FSCN2: variants seen among roughly 807,000 people sequenced by gnomAD.
The protein encoded by FSCN2 is fascin-2.
A neutral mutation model predicts 37.8 loss-of-function variants in FSCN2; 46 were observed. The observed-to-expected ratio is 1.22, with a 90% CI of 0.96 to 1.56. FSCN2 has a LOEUF of 1.56. Among genes scored for constraint, FSCN2 ranks in the 40% most tolerant of loss-of-function variants. FSCN2 has a pLI of 0.00. For missense variants in FSCN2, 844 were observed against 730.4 expected (o/e 1.16, Z -1.79); for synonymous variants, 351 against 309.4 (o/e 1.13, Z -1.41).
the FSCN2 span, among the ~76,000 whole-genome samples, chr17:81,515,268 G>A: frequency 6.6e-6 from 1 of 152,146 alleles, no homozygotes. Flanking sequence ...CAGTGGCGCA[G>A]GGCAGCCGCC....
chr17:81,515,302 G>A, the FSCN2 span, among the ~76,000 whole-genome samples: 2 of 152,198 alleles, frequency 1.3e-5, no homozygotes, highest in African/African-American at 4.8e-5. Context: ...CAGTGCCGGA[G>A]AGGGCCGGGC....
chr17:81,515,678 C>G, the FSCN2 span, among the ~76,000 whole-genome samples: 1 of 152,208 alleles, frequency 6.6e-6, no homozygotes, highest in Non-Finnish European at 1.5e-5. Flanking sequence ...CGGATCAGCC[C>G]CCGGACTCTG....
At chr17:81,532,033 TGA>T (rs2032663863) in intron 1 of FSCN2, among the ~76,000 whole-genome samples, 1 of 26,084 alleles carries the variant, frequency 3.8e-5, no homozygotes, top group South Asian at 1.8e-3. Flanking sequence ...ATAGTGATGG[TGA>T]TGATGATGGT....
intron 1 of FSCN2, among the ~76,000 whole-genome samples, chr17:81,533,066 G>A (rs568614018): frequency 1.8e-4 from 27 of 152,252 alleles, no homozygotes; most frequent in African/African-American, 6.3e-4. Context: ...GGAACCTCAC[G>A]GCTTCCAAGG....
chr17:81,529,665 A>G, intron 1 of FSCN2: 1 of 626,824 alleles, frequency 1.6e-6, no homozygotes, highest in South Asian at 1.4e-5. Flanking sequence ...CTGAGACTGG[A>G]GAGGTGTGGG....
At chr17:81,532,989 G>A (rs150398739) in intron 1 of FSCN2, among the ~76,000 whole-genome samples, 12,143 of 152,172 alleles carry the variant, frequency 0.08, 1,454 homozygotes, top group African/African-American at 0.25. Context: ...ACCACCAGGT[G>A]TTTCAGGCTC....
chr17:81,535,842 CCCATCT>C (rs201562943), intron 2 of FSCN2, among the ~76,000 whole-genome samples: 3,047 of 113,610 alleles, frequency 0.027, 372 homozygotes, highest in African/African-American at 0.11. Flanking sequence ...CATCCCCATC[CCCATCT>C]CCATCACCAT....
chr17:81,531,384 GTGA>G (rs1384984434), intron 1 of FSCN2, among the ~76,000 whole-genome samples: 29 of 74,122 alleles, frequency 3.9e-4, no homozygotes, highest in Middle Eastern at 8.6e-3. Flanking sequence ...GGTGATGGTG[GTGA>G]TGGTGATGAT....
intron 1 of FSCN2, among the ~76,000 whole-genome samples, chr17:81,532,536 G>A (rs1255829454): frequency 1.1e-5 from 1 of 94,114 alleles, no homozygotes; most frequent in African/African-American, 4.1e-5. Context: ...GATGATGATA[G>A]TGATGGTGGT....
intron 3 of FSCN2, 130 bp from the exon 4 acceptor site, chr17:81,536,492 G>A (rs946698237): frequency 2.0e-6 from 3 of 1,533,440 alleles, no homozygotes; most frequent in Admixed American, 3.9e-5. Flanking sequence ...CCTTGCCAAG[G>A]CCGCACATGA....
At position 81,536,181 on chromosome 17, in the gene FSCN2, G is replaced by A. The variant is rs763784971; in HGVS notation, c.1019G>A (p.Gly340Asp). The A allele has an allele frequency of 6.2e-6, 10 of 1,601,628 alleles. No homozygotes were observed. The South Asian group carries it at 1.1e-4, about 18-fold the overall frequency. The change falls in exon 3 of 5, where the codon GGC (glycine) becomes GAC (aspartate). Residue 340 changes from glycine to aspartate, a missense_variant. Coordinates refer to ENST00000417245, the MANE Select transcript of FSCN2 (RefSeq NM_012418.4). ...ANTMFEMEWR[G>D]RRVALKASNG... is the part of the protein sequence containing the mutation. ...ACCATGTTTGAGATGGAGTGGCGTG[G>A]CCGGCGGGTAGCACTCAAAGCCAGC... is the stretch of plus-strand genomic sequence containing the variant.
intron 1 of FSCN2, 125 bp downstream of exon 1, chr17:81,529,482 G>A (rs1484355516): frequency 3.4e-6 from 3 of 886,522 alleles, no homozygotes; most frequent in African/African-American, 3.3e-5. Context: ...GTTCTGGGCT[G>A]GGGGTCCATG....
At position 81,531,698 on chromosome 17, in the gene FSCN2, G is replaced by A. The variant is rs1412175871; in HGVS notation, c.826+2341G>A. ...TGATGATGATGGTGATGATGGTGATGGTGATGATGATAGTGATGGTGGTGA... is the reference window on the plus strand; with the variant it reads ...TGATGATGATGGTGATGATGGTGATAGTGATGATGATAGTGATGGTGGTGA... On this transcript the variant is annotated intron_variant, in intron 1 of 4. Transcript: ENST00000417245. Among the ~76,000 whole-genome samples the A allele has an allele frequency of 2.8e-3, 286 of 102,510 alleles. 4 individuals carry two copies. The highest frequency in any genetic ancestry group is 0.014 in the African/African-American group (267 of 18,738). 67.3% of individuals were successfully genotyped at this position (102,510 alleles called of 152,430 possible). A position where few individuals can be genotyped will look rare whatever the true frequency, so the allele number is the denominator to read the frequency against.
chr17:81,523,213 G>C, the FSCN2 span, among the ~76,000 whole-genome samples: 2 of 152,330 alleles, frequency 1.3e-5, no homozygotes, highest in African/African-American at 4.8e-5. Context: ...GCTGCTTTCG[G>C]GGAGGGGCAG....
At chr17:81,534,644 G>T (rs141173857) in intron 1 of FSCN2, among the ~76,000 whole-genome samples, 1 of 151,660 alleles carries the variant, frequency 6.6e-6, no homozygotes, top group African/African-American at 2.4e-5. Flanking sequence ...ATCACCATCC[G>T]CACCATCCCC....
the FSCN2 span, among the ~76,000 whole-genome samples, chr17:81,519,992 C>T: frequency 5.3e-5 from 8 of 152,194 alleles, no homozygotes; most frequent in African/African-American, 1.2e-4. Flanking sequence ...GAAAAGGTGG[C>T]TCCAGGGCTG....
intron 2 of FSCN2, among the ~76,000 whole-genome samples, chr17:81,535,531 CCATCAT>C (rs201102572): frequency 9.1e-6 from 1 of 109,382 alleles, no homozygotes; most frequent in East Asian, 3.1e-4. Flanking sequence ...ATCTCCATCA[CCATCAT>C]CACCATCCCC....
rs376890749 is a variant in FSCN2 at position 81,536,231 on chromosome 17, A to C, written c.1069A>C (p.Lys357Gln). The change falls in exon 3 of 5, where the codon AAG (lysine) becomes CAG (glutamine). Residue 357 changes from lysine to glutamine, a missense_variant. By Grantham distance (53) the Lys-to-Gln change is moderately conservative. Coordinates refer to ENST00000417245, the MANE Select transcript of FSCN2 (RefSeq NM_012418.4). ...CAACGGGCGCTACGTGTGCATGAAG[A>C]AGAATGGGCAGCTGGCGGCTATCAG... is the stretch of plus-strand genomic sequence containing the variant. ...ASNGRYVCMK[K>Q]NGQLAAISDF... 1.9e-6 allele frequency: 3 copies of C among 1,602,028 alleles called. No homozygotes were observed. In the African/African-American group the frequency reaches 4.0e-5, roughly 21 times the overall value.
chr17:81,529,737 G>A, intron 1 of FSCN2: 1 of 494,198 alleles, frequency 2.0e-6, no homozygotes. Context: ...GTGCCATGAG[G>A]GGCATGTGGG....
Sources: gnomAD v4.1 joint callset for allele counts (sites outside exome capture counted in the v4.1 genomes callset) on GRCh38, gnomAD v4.1.1 for gene constraint, MANE v1.5 for transcripts, NCBI Gene and HGNC (gene_info 2026-07-23, HGNC 2026-07-21) for gene names.